PARD3: variants seen among roughly 807,000 people sequenced by gnomAD.
PARD3 encodes par-3 family cell polarity regulator, also known as partitioning defective 3 homolog.
Under a neutral mutation model 155.4 loss-of-function variants are expected in PARD3, and 75 were observed. That is an observed-to-expected ratio of 0.48 (90% CI 0.40 to 0.58). The LOEUF is 0.58. Ranked by LOEUF, PARD3 falls within the 20% of genes least tolerant of loss-of-function variation. The pLI is 0.00. For synonymous variants in PARD3, 576 were observed against 610.5 expected, an observed-to-expected ratio of 0.94 and a Z score of 0.83; for missense variants, 1,642 against 1,721.7, an observed-to-expected ratio of 0.95 and a Z score of 0.82.
intron 1 of PARD3, among the ~76,000 whole-genome samples, chr10:34,776,579 G>A (rs1839554026): frequency 6.6e-6 from 1 of 151,202 alleles, no homozygotes; most frequent in South Asian, 2.1e-4. Context: ...GTAAGCAGAG[G>A]AAGGACAGCA....
At chr10:34,536,228 A>G (rs1350672572) in intron 2 of PARD3, among the ~76,000 whole-genome samples, 1 of 152,154 alleles carries the variant, frequency 6.6e-6, no homozygotes, top group African/African-American at 2.4e-5. Context: ...TAATATTCTA[A>G]TAGTTTTACT....
intron 2 of PARD3, among the ~76,000 whole-genome samples, chr10:34,595,114 C>G (rs183213706): frequency 1.8e-4 from 27 of 152,320 alleles, no homozygotes; most frequent in African/African-American, 6.0e-4. Flanking sequence ...AACATGAATA[C>G]TTTTTAAGGC....
chr10:34,174,515 C>T (rs987462439), intron 22 of PARD3, among the ~76,000 whole-genome samples: 2 of 152,100 alleles, frequency 1.3e-5, no homozygotes, highest in Admixed American at 6.6e-5. Context: ...CATTCAAGGT[C>T]GGGGGCGTGG....
Position 34,111,481 on chromosome 10 carries a change from G to C in PARD3, c.3750C>G (p.Ala1250=), listed in dbSNP as rs1410060144. The change falls in exon 25 of 25, where the codon GCC becomes GCG. Residue 1250 remains alanine (A), a synonymous_variant. Transcript: ENST00000374788. ...NYSPGEGFQS[A]KENPRYSSYQ... is the part of the protein sequence containing the mutation. ...AGCTGGAGTACCTGGGGTTCTCTTT[G>C]GCACTCTGGAAGCCTTCCCCAGGGG... The C allele has an allele frequency of 6.2e-7, 1 of 1,614,076 alleles. No individual in the cohort carries two copies. Among genetic ancestry groups the C allele is most frequent in the Admixed American group, 1.7e-5 (1 of 60,026 alleles).
intron 11 of PARD3, 78 bp downstream of exon 11, chr10:34,374,796 C>T: frequency 1.5e-6 from 2 of 1,354,802 alleles, no homozygotes; most frequent in Non-Finnish European, 2.1e-6. Context: ...TCTCAATAAA[C>T]ATTTGCCATC....
chr10:34,254,242 T>C (rs1954513257), intron 22 of PARD3, among the ~76,000 whole-genome samples: 1 of 151,866 alleles, frequency 6.6e-6, no homozygotes, highest in South Asian at 2.1e-4. Flanking sequence ...TAGCTGGGCA[T>C]GGTGGCACGT....
chr10:34,527,102 TAGAAA>T (rs1293095431), intron 2 of PARD3, among the ~76,000 whole-genome samples: 1 of 152,198 alleles, frequency 6.6e-6, no homozygotes. Context: ...TGAGAAGCAC[TAGAAA>T]AGAAAACTTG....
chr10:34,519,666 T>G (rs1159388744), intron 2 of PARD3, among the ~76,000 whole-genome samples: 1 of 151,776 alleles, frequency 6.6e-6, no homozygotes, highest in African/African-American at 2.4e-5. Context: ...CATAAAAAAT[T>G]AGCCAGGTGT....
At chr10:34,751,177 T>G (rs956680146) in intron 1 of PARD3, among the ~76,000 whole-genome samples, 5 of 151,840 alleles carry the variant, frequency 3.3e-5, no homozygotes, top group Non-Finnish European at 5.9e-5. Context: ...AAAATGGGGA[T>G]AATACCCTCA....
chr10:34,473,958 C>T (rs765875440), intron 3 of PARD3, among the ~76,000 whole-genome samples: 5 of 152,144 alleles, frequency 3.3e-5, no homozygotes, highest in Non-Finnish European at 7.3e-5. Flanking sequence ...TTCTTCTAGC[C>T]CCAGCTTGCC....
chr10:34,701,414 G>C (rs2094276816), intron 1 of PARD3, among the ~76,000 whole-genome samples: 1 of 151,902 alleles, frequency 6.6e-6, no homozygotes, highest in African/African-American at 2.4e-5. Context: ...AGAACAGAGG[G>C]AAATGAGGGA....
chr10:34,147,356 T>C (rs1184382248), intron 22 of PARD3, among the ~76,000 whole-genome samples: 1 of 152,164 alleles, frequency 6.6e-6, no homozygotes, highest in Non-Finnish European at 1.5e-5. Context: ...TTTAAAATTA[T>C]ACTGCAGCTG....
chr10:34,111,363 G>A lies in PARD3; in HGVS notation c.3868C>T (p.Arg1290Trp), dbSNP rs147630681. 19 of 1,613,908 alleles carry A rather than the reference G, an allele frequency of 1.2e-5. No individual in the cohort carries two copies. Among genetic ancestry groups the A allele is most frequent in the Middle Eastern group, 1.6e-4 (1 of 6,082 alleles). Residue 1290 changes from arginine to tryptophan, a missense_variant, in exon 25 of 25, where the codon CGG becomes TGG. Arg to Trp is a moderately radical substitution (Grantham distance 101). Transcript: ENST00000374788. ...TQELLRQEQR[R>W]KEQQMKKQPP... ...TGCTTCTTCATCTGCTGCTCCTTCC[G>A]CCTCTGTTCCTGGCGAAGGAGCTCC...
intron 24 of PARD3, 73 bp downstream of exon 24, chr10:34,119,540 G>A: frequency 2.1e-6 from 3 of 1,442,296 alleles, no homozygotes; most frequent in Non-Finnish European, 2.8e-6. Flanking sequence ...ACTTGGGAAG[G>A]AGCGCGTTCC....
At chr10:34,576,206 A>G (rs1440489017) in intron 2 of PARD3, among the ~76,000 whole-genome samples, 1 of 152,208 alleles carries the variant, frequency 6.6e-6, no homozygotes, top group Non-Finnish European at 1.5e-5. Flanking sequence ...ATGCTTAAAT[A>G]TACACATCCA....
At chr10:34,349,827 G>T (rs1328029977) in intron 14 of PARD3, among the ~76,000 whole-genome samples, 7 of 152,054 alleles carry the variant, frequency 4.6e-5, no homozygotes, top group African/African-American at 1.2e-4. Flanking sequence ...TTTTCTACAT[G>T]ATAAAACCTT....
At chr10:34,275,588 T>G (rs1027446501) in intron 21 of PARD3, among the ~76,000 whole-genome samples, 1 of 152,238 alleles carries the variant, frequency 6.6e-6, no homozygotes, top group Non-Finnish European at 1.5e-5. Context: ...GAATGTCTTG[T>G]TACAAAGTGA....
intron 22 of PARD3, among the ~76,000 whole-genome samples, chr10:34,205,804 C>T (rs183411374): frequency 6.6e-6 from 1 of 152,292 alleles, no homozygotes; most frequent in Non-Finnish European, 1.5e-5. Flanking sequence ...AGGATTTTGA[C>T]TTGTTCCTGC....
intron 2 of PARD3, among the ~76,000 whole-genome samples, chr10:34,668,345 T>C (rs926145135): frequency 6.6e-6 from 1 of 152,212 alleles, no homozygotes; most frequent in African/African-American, 2.4e-5. Context: ...GTATTGTCTA[T>C]CATGAGATTT....
Sources: gnomAD v4.1 joint callset for allele counts (sites outside exome capture counted in the v4.1 genomes callset) on GRCh38, gnomAD v4.1.1 for gene constraint, MANE v1.5 for transcripts, NCBI Gene and HGNC (gene_info 2026-07-23, HGNC 2026-07-21) for gene names.